The following FHIP1A variants were observed in gnomAD, a reference collection of about 807,000 sequenced individuals.
The protein encoded by FHIP1A is FHF complex subunit HOOK-interacting protein 1A.
Under a neutral mutation model 88.6 loss-of-function variants are expected in FHIP1A, and 61 were observed. The ratio of observed to expected loss-of-function variants is 0.69; its 90% CI spans 0.56 to 0.85. FHIP1A has a LOEUF of 0.85. Ranked by LOEUF, FHIP1A falls within the 40% of genes least tolerant of loss-of-function variation. The pLI is 0.00. For missense variants in FHIP1A, 1,154 were observed against 1,273.5 expected, an observed-to-expected ratio of 0.91 and a Z score of 1.43; for synonymous variants, 478 against 496.0, an observed-to-expected ratio of 0.96 and a Z score of 0.48.
chr4:151,410,467 AATAGTCATAGCAG>A (rs1732580803), intron 1 of FHIP1A, among the ~76,000 whole-genome samples: 1 of 152,256 alleles, frequency 6.6e-6, no homozygotes, highest in Admixed American at 6.5e-5. Flanking sequence ...GCTCCCTGCT[AATAGTCATAGCAG>A]CCCTGATGAA....
At position 151,525,746 on chromosome 4, in the gene FHIP1A, C is replaced by CT. The variant is rs200895761; in HGVS notation, c.-122-40377dup. On this transcript the variant is annotated intron_variant, in intron 3 of 13. Coordinates refer to ENST00000435205, the MANE Select transcript of FHIP1A (RefSeq NM_001109977.3). Reference sequence around the variant, plus strand: ...TGTTTTGCTGCTCACCTTTGTACTTCTTTTTTTTTTTTTTTCATTTTTAAT... The same window carrying CT: ...TGTTTTGCTGCTCACCTTTGTACTTCTTTTTTTTTTTTTTTTCATTTTTAAT... 4.6e-3 allele frequency among the ~76,000 whole-genome samples: 592 copies of CT among 128,324 alleles called. 3 individuals are homozygous for CT. The highest frequency in any genetic ancestry group is 9.7e-3 in the South Asian group (38 of 3,926). 84.2% of individuals were successfully genotyped at this position (128,324 alleles called of 152,430 possible).
chr4:151,422,075 G>A (rs936021693), intron 1 of FHIP1A, among the ~76,000 whole-genome samples: 5 of 151,650 alleles, frequency 3.3e-5, no homozygotes, highest in African/African-American at 1.2e-4. Flanking sequence ...ATGCTGCTTT[G>A]ACAAAGTCTT....
rs577816519 is a variant in FHIP1A, at chr4:151,650,676, A to G, written c.2551+84A>G. ...ACAGGAAAGGAAGGTAGGAAAAGGTAAGGGATATTATCGGTTTGTCTAACA... is the reference window on the plus strand; with the variant it reads ...ACAGGAAAGGAAGGTAGGAAAAGGTGAGGGATATTATCGGTTTGTCTAACA... On this transcript the variant is annotated intron_variant, in intron 11 of 13. Transcript: ENST00000435205. The G allele has an allele frequency of 1.1e-5, 16 of 1,452,768 alleles. No homozygotes were observed. The East Asian group carries it at 4.0e-4, about 36-fold the overall frequency. The allele number at this position is 1,452,768 out of a possible 1,614,324, so 90.0% of individuals were successfully genotyped here. A position where few individuals can be genotyped will look rare whatever the true frequency, so the allele number is the denominator to read the frequency against.
chr4:151,613,560 G>C (rs1222757165), intron 7 of FHIP1A, among the ~76,000 whole-genome samples: 1 of 152,156 alleles, frequency 6.6e-6, no homozygotes, highest in Non-Finnish European at 1.5e-5. Flanking sequence ...TATTTACAGA[G>C]TACTGCTCAG....
intron 4 of FHIP1A, among the ~76,000 whole-genome samples, chr4:151,566,977 T>A (rs1479199587): frequency 6.6e-6 from 1 of 152,186 alleles, no homozygotes; most frequent in Non-Finnish European, 1.5e-5. Flanking sequence ...ATCTCTGTGC[T>A]CTACCATTTT....
chr4:151,619,570 A>G (rs1370237558), intron 7 of FHIP1A, among the ~76,000 whole-genome samples: 1 of 152,218 alleles, frequency 6.6e-6, no homozygotes, highest in Non-Finnish European at 1.5e-5. Context: ...GAATGGGAGA[A>G]TGTTACTAGA....
At position 151,535,332 on chromosome 4, in the gene FHIP1A, TG is replaced by T. The variant is rs1168725287; in HGVS notation, c.-122-30805del. Among the ~76,000 whole-genome samples, 5 of 152,346 alleles carry T rather than the reference TG, an allele frequency of 3.3e-5. No individual in the cohort carries two copies. In the East Asian group the frequency reaches 9.6e-4, roughly 29 times the overall value. On this transcript the variant is annotated intron_variant, in intron 3 of 13. Coordinates refer to ENST00000435205, the MANE Select transcript of FHIP1A (RefSeq NM_001109977.3). ...AAATAAACCCATTTAATGCCAAATA[TG>T]TCATAAAATGGCACTCTCTGGGGAC...
intron 3 of FHIP1A, among the ~76,000 whole-genome samples, chr4:151,526,774 G>T (rs1731676283): frequency 6.6e-6 from 1 of 150,432 alleles, no homozygotes; most frequent in African/African-American, 2.5e-5. Flanking sequence ...AGATGGGGCG[G>T]CTGCCGGGCG....
chr4:151,577,818 G>A lies in FHIP1A; in HGVS notation c.474G>A (p.Val158=). 1 of 1,552,026 alleles carries A rather than the reference G, an allele frequency of 6.4e-7. No homozygotes were observed. The highest frequency in any genetic ancestry group is 8.7e-7 in the Non-Finnish European group (1 of 1,147,040). ...GTTCAGGAACAACCACCCCCACTGT[G>A]GAGGAGAAGCTGGTTGTCCTACTCA... ...SSCSGTTTPT[V]EEKLVVLLNQ... Residue 158 remains valine (V), a synonymous_variant, in exon 5 of 14, where the codon GTG becomes GTA. Transcript: ENST00000435205.
At position 151,482,565 on chromosome 4, in the gene FHIP1A, T is replaced by C. The variant is rs1729937451; in HGVS notation, c.-206T>C. On this transcript the variant is annotated 5_prime_UTR_variant, in exon 3 of 14. An upstream start codon of the reference 5' UTR is lost. Coordinates refer to ENST00000435205, the MANE Select transcript of FHIP1A (RefSeq NM_001109977.3). ...TCTAGGGGTTTCCAGCAGAGCCAAA[T>C]GTTAGAAAAATCTTTCCGCTCCTCT... The C allele has an allele frequency of 6.6e-6, 1 of 152,054 alleles. No individual in the cohort carries two copies. The highest frequency in any genetic ancestry group is 1.5e-5 in the Non-Finnish European group (1 of 67,952). 9.4% of individuals were successfully genotyped at this position (152,054 alleles called of 1,614,324 possible). A position where few individuals can be genotyped will look rare whatever the true frequency, so the allele number is the denominator to read the frequency against.
chr4:151,488,930 CAGAT>C (rs1188641188), intron 3 of FHIP1A, among the ~76,000 whole-genome samples: 1 of 152,134 alleles, frequency 6.6e-6, no homozygotes, highest in Non-Finnish European at 1.5e-5. Flanking sequence ...GGGAAAATGG[CAGAT>C]AGGAGACAGG....
chr4:151,597,345 A>G (rs1734689058), intron 7 of FHIP1A, among the ~76,000 whole-genome samples: 1 of 152,066 alleles, frequency 6.6e-6, no homozygotes, highest in Non-Finnish European at 1.5e-5. Flanking sequence ...TTGCCTAGTT[A>G]TCACTAGTGG....
intron 3 of FHIP1A, among the ~76,000 whole-genome samples, chr4:151,487,916 T>C (rs1730144027): frequency 6.6e-6 from 1 of 152,220 alleles, no homozygotes; most frequent in African/African-American, 2.4e-5. Flanking sequence ...AAGCCAGAAA[T>C]CTAGGATTAT....
chr4:151,628,048 G>A (rs761575779), intron 7 of FHIP1A, among the ~76,000 whole-genome samples: 1 of 152,284 alleles, frequency 6.6e-6, no homozygotes, highest in Non-Finnish European at 1.5e-5. Context: ...ACTCTTCCCA[G>A]TGCAATTTAT....
chr4:151,573,311 T>G (rs1175921998), intron 4 of FHIP1A, among the ~76,000 whole-genome samples: 1 of 149,868 alleles, frequency 6.7e-6, no homozygotes, highest in Admixed American at 6.6e-5. Flanking sequence ...CACACACATG[T>G]CTGCGTTTCT....
intron 3 of FHIP1A, among the ~76,000 whole-genome samples, chr4:151,554,250 A>C (rs756948052): frequency 6.6e-6 from 1 of 152,152 alleles, no homozygotes; most frequent in Admixed American, 6.5e-5. Flanking sequence ...GGCTTTTCTC[A>C]CTGGTGGCTG....
At chr4:151,489,251 A>G (rs1179026492) in intron 3 of FHIP1A, among the ~76,000 whole-genome samples, 1 of 152,162 alleles carries the variant, frequency 6.6e-6, no homozygotes, top group Non-Finnish European at 1.5e-5. Context: ...ATATAAAAGT[A>G]GAAGAAGTAG....
chr4:151,630,009 G>T (rs1206773883), intron 8 of FHIP1A, 140 bp downstream of exon 8: 3 of 702,620 alleles, frequency 4.3e-6, no homozygotes, highest in Non-Finnish European at 6.9e-6. Context: ...TTGTTTTGTG[G>T]CCATTACCTT....
intron 1 of FHIP1A, among the ~76,000 whole-genome samples, chr4:151,450,871 G>A (rs1019141444): frequency 2.0e-5 from 3 of 151,838 alleles, no homozygotes; most frequent in Middle Eastern, 3.4e-3. Flanking sequence ...TCTGACTCCC[G>A]GGTTCAAGTA....
Sources: allele counts gnomAD v4.1 joint callset (sites outside exome capture counted in the v4.1 genomes callset), GRCh38; gene constraint gnomAD v4.1.1; transcripts MANE v1.5; gene names NCBI Gene and HGNC (gene_info 2026-07-23, HGNC 2026-07-21).